Variants in UNC80 observed in about 807,000 individuals in gnomAD.
The protein encoded by UNC80 is unc-80 subunit of NALCN channel complex.
A neutral mutation model predicts 384.6 loss-of-function variants in UNC80; 164 were observed. The observed-to-expected ratio is 0.43, with a 90% CI of 0.38 to 0.49. The LOEUF (loss-of-function observed/expected upper bound fraction) is 0.49, where lower values mean the gene tolerates loss of function less well. UNC80 is among the 20% of genes least tolerant of loss of function. The pLI is 0.00. For synonymous variants in UNC80, 1,486 were observed against 1,527.8 expected, an observed-to-expected ratio of 0.97 and a Z score of 0.64; for missense variants, 3,330 against 4,143.0, an observed-to-expected ratio of 0.80 and a Z score of 5.39.
chr2:209,897,423 A>G (rs2086909200), intron 28 of UNC80, among the ~76,000 whole-genome samples: 1 of 152,172 alleles, frequency 6.6e-6, no homozygotes, highest in African/African-American at 2.4e-5. Context: ...TGTAATTGGC[A>G]TCATATACTA....
chr2:209,878,459 A>G (rs183656235), intron 24 of UNC80, among the ~76,000 whole-genome samples: 221 of 152,296 alleles, frequency 1.5e-3, no homozygotes, highest in African/African-American at 5.1e-3. Flanking sequence ...TGTTTTTTAT[A>G]TTGCTCCAGG....
At chr2:209,827,400 A>G (rs1191786675) in intron 14 of UNC80, among the ~76,000 whole-genome samples, 1 of 152,108 alleles carries the variant, frequency 6.6e-6, no homozygotes, top group Non-Finnish European at 1.5e-5. Flanking sequence ...GATAACCAAG[A>G]TTTGTCTTTC....
At position 209,851,889 on chromosome 2, in the gene UNC80, A is replaced by G. The variant is rs149847245; in HGVS notation, c.3627+2266A>G. 2.3e-4 allele frequency among the ~76,000 whole-genome samples: 35 copies of G among 152,178 alleles called. No homozygotes were observed. The East Asian group carries it at 4.8e-3, about 21-fold the overall frequency. On this transcript the variant is annotated intron_variant, in intron 22 of 64. Transcript: ENST00000673920. ...GACTCTCTTATTAAAATATTATGTGAGACCATTTACTTTAAAGCATGCAAT... is the reference window on the plus strand; with the variant it reads ...GACTCTCTTATTAAAATATTATGTGGGACCATTTACTTTAAAGCATGCAAT...
chr2:209,794,454 C>A (rs2078028321), intron 7 of UNC80, among the ~76,000 whole-genome samples: 1 of 152,168 alleles, frequency 6.6e-6, no homozygotes, highest in Non-Finnish European at 1.5e-5. Flanking sequence ...TATATCCCTA[C>A]TTTCAAATAA....
intron 29 of UNC80, 55 bp from the exon 30 acceptor site, chr2:209,912,505 T>C: frequency 7.9e-7 from 1 of 1,272,330 alleles, no homozygotes; most frequent in Non-Finnish European, 1.1e-6. Flanking sequence ...CATATAGCAC[T>C]GTTGGGTTTT....
At chr2:209,916,500 G>T (rs531955795) in intron 31 of UNC80, among the ~76,000 whole-genome samples, 1 of 152,162 alleles carries the variant, frequency 6.6e-6, no homozygotes, top group Non-Finnish European at 1.5e-5. Context: ...TAAATAATGA[G>T]CCTAGTGTTT....
chr2:209,808,798 G>GCGCTACTCAGCGACCTCGTTGCCTCGT, intron 7 of UNC80: 3 of 194,850 alleles, frequency 1.5e-5, no homozygotes, highest in East Asian at 1.9e-4. Flanking sequence ...CGTTGCCTCT[G>GCGCTACTCAGCGACCTCGTTGCCTCGT]CCACCATGCC....
Position 209,847,986 on chromosome 2 carries a change from A to G in UNC80, c.3455-1465A>G, listed in dbSNP as rs185060946. 2.2e-3 allele frequency among the ~76,000 whole-genome samples: 341 copies of G among 152,200 alleles called. 2 individuals are homozygous for G. The highest frequency in any genetic ancestry group is 5.5e-3 in the Admixed American group (84 of 15,254). On this transcript the variant is annotated intron_variant, in intron 21 of 64. Transcript: ENST00000673920. The stretch of plus-strand genomic sequence containing the variant: ...TTTAAGGGACTGTTTATACTTTTTA[A>G]CAGATGAGAATCCTTTGGTATACAT...
intron 6 of UNC80, among the ~76,000 whole-genome samples, chr2:209,792,508 C>T (rs2077879260): frequency 6.6e-6 from 1 of 152,082 alleles, no homozygotes; most frequent in South Asian, 2.1e-4. Context: ...CCACCGCGCC[C>T]AGCTAATTTT....
At chr2:209,893,584 A>G (rs1291508850) in intron 26 of UNC80, among the ~76,000 whole-genome samples, 1 of 152,196 alleles carries the variant, frequency 6.6e-6, no homozygotes, top group Non-Finnish European at 1.5e-5. Context: ...GGAGGATAGT[A>G]TGAAGTCATT....
At chr2:209,900,372 T>C (rs980149445) in intron 28 of UNC80, among the ~76,000 whole-genome samples, 3 of 152,152 alleles carry the variant, frequency 2.0e-5, no homozygotes, top group Non-Finnish European at 4.4e-5. Flanking sequence ...TGATTGTCGT[T>C]TTTTATGGTG....
chr2:209,917,283 A>C (rs141175780), intron 31 of UNC80, among the ~76,000 whole-genome samples: 19 of 152,310 alleles, frequency 1.2e-4, no homozygotes, highest in Middle Eastern at 3.4e-3. Context: ...TCATGGTATT[A>C]TGACTCATTA....
In UNC80 at chr2:209,945,207, T is replaced by C. The variant is rs1229189084; in HGVS notation, c.7189+18T>C. 1 of 1,545,212 alleles carries C rather than the reference T, an allele frequency of 6.5e-7. No individual in the cohort carries two copies. Among genetic ancestry groups the C allele is most frequent in the Non-Finnish European group, 8.7e-7 (1 of 1,144,920 alleles). On this transcript the variant is annotated intron_variant, in intron 46 of 64. Transcript: ENST00000673920. Reference sequence around the variant, plus strand: ...GTCATTAGGTAAAAGCAAAACTTGCTTTGACATTCTTTTTCTCACTGCAGT... The same window carrying C: ...GTCATTAGGTAAAAGCAAAACTTGCCTTGACATTCTTTTTCTCACTGCAGT...
intron 54 of UNC80, among the ~76,000 whole-genome samples, chr2:209,971,603 A>C (rs1010640547): frequency 2.6e-5 from 4 of 151,964 alleles, no homozygotes; most frequent in Non-Finnish European, 4.4e-5. Context: ...TAACTGACCC[A>C]TCCGTCGTTT....
intron 7 of UNC80, 38 bp from the exon 8 acceptor site, chr2:209,813,538 CTTGA>C (rs748543406): frequency 1.2e-5 from 19 of 1,532,442 alleles, no homozygotes; most frequent in South Asian, 3.6e-5. Flanking sequence ...CCTCTGAAAG[CTTGA>C]TTGTCAGTAT....
At chr2:209,980,117 C>G (rs2093123191) in intron 59 of UNC80, among the ~76,000 whole-genome samples, 1 of 152,104 alleles carries the variant, frequency 6.6e-6, no homozygotes, top group African/African-American at 2.4e-5. Flanking sequence ...GAAAATACAC[C>G]TAAAGTTGTA....
At chr2:209,816,841 C>G (rs906143823) in intron 9 of UNC80, 68 bp from the exon 10 acceptor site, 1 of 1,410,906 alleles carries the variant, frequency 7.1e-7, no homozygotes, top group African/African-American at 1.4e-5. Flanking sequence ...GATCATGGAG[C>G]CCCTTGGGAA....
chr2:209,965,955 T>G (rs920529339), intron 51 of UNC80, among the ~76,000 whole-genome samples: 1 of 151,786 alleles, frequency 6.6e-6, no homozygotes, highest in Non-Finnish European at 1.5e-5. Flanking sequence ...AAAAAAATCT[T>G]ATTTTTCCAT....
chr2:209,780,711 G>A (rs937484297), intron 4 of UNC80, among the ~76,000 whole-genome samples: 5 of 152,106 alleles, frequency 3.3e-5, no homozygotes, highest in African/African-American at 1.2e-4. Flanking sequence ...GTGTGGGAGG[G>A]AATTGGTCCT....
Sources: gnomAD v4.1 joint callset for allele counts (sites outside exome capture counted in the v4.1 genomes callset) on GRCh38, gnomAD v4.1.1 for gene constraint, MANE v1.5 for transcripts, NCBI Gene and HGNC (gene_info 2026-07-23, HGNC 2026-07-21) for gene names.